The following ZNF407 variants were observed in gnomAD, a reference collection of about 807,000 sequenced individuals.
ZNF407 encodes the protein zinc finger protein 407.
Under a neutral mutation model 131.2 loss-of-function variants are expected in ZNF407, and 17 were observed. That is an observed-to-expected ratio of 0.13 (90% CI 0.09 to 0.19). The LOEUF is 0.19. ZNF407 is among the 10% of genes least tolerant of loss of function. The probability of loss-of-function intolerance (pLI) is 1.00; values close to 1 mark genes in which losing one functional copy is unlikely to be tolerated. For missense variants in ZNF407, 2,681 were observed against 2,830.6 expected, an observed-to-expected ratio of 0.95 and a Z score of 1.20; for synonymous variants, 1,156 against 1,062.0, an observed-to-expected ratio of 1.09 and a Z score of -1.72.
At chr18:74,668,857 A>G (rs1423084947) in intron 3 of ZNF407, among the ~76,000 whole-genome samples, 3 of 152,164 alleles carry the variant, frequency 2.0e-5, no homozygotes, top group Admixed American at 2.0e-4. Flanking sequence ...CTTAGTATGT[A>G]TCATTATCCA....
intron 3 of ZNF407, among the ~76,000 whole-genome samples, chr18:74,677,357 C>CT (rs1336705704): frequency 6.6e-6 from 1 of 152,330 alleles, no homozygotes; most frequent in African/African-American, 2.4e-5. Flanking sequence ...TCAGAAGGTG[C>CT]TGGGATTACA....
intron 8 of ZNF407, among the ~76,000 whole-genome samples, chr18:75,028,528 T>C (rs573602934): frequency 1.3e-5 from 2 of 152,188 alleles, no homozygotes; most frequent in Non-Finnish European, 2.9e-5. Flanking sequence ...CACAGGAATT[T>C]GAGGGGACAC....
intron 1 of ZNF407, among the ~76,000 whole-genome samples, chr18:74,615,882 A>C (rs1232683223): frequency 2.6e-5 from 4 of 151,710 alleles, no homozygotes; most frequent in Non-Finnish European, 5.9e-5. Context: ...TTTTTTTTTA[A>C]GATGGAGTTT....
chr18:74,912,972 T>G (rs945338457), intron 7 of ZNF407, among the ~76,000 whole-genome samples: 2 of 152,176 alleles, frequency 1.3e-5, no homozygotes, highest in African/African-American at 4.8e-5. Context: ...ACAAGAGAAA[T>G]GCAAGTTACA....
intron 5 of ZNF407, among the ~76,000 whole-genome samples, chr18:74,879,301 T>C (rs1030815801): frequency 6.6e-6 from 1 of 152,128 alleles, no homozygotes; most frequent in African/African-American, 2.4e-5. Context: ...ATTAGAAATT[T>C]TGCTTATTGA....
At chr18:74,603,925 G>T (rs538857479) in intron 1 of ZNF407, among the ~76,000 whole-genome samples, 4 of 152,222 alleles carry the variant, frequency 2.6e-5, no homozygotes, top group Admixed American at 1.3e-4. Flanking sequence ...TTCTGGCTTG[G>T]GTGATTTGAT....
chr18:74,721,306 G>T (rs1470768970), intron 3 of ZNF407, among the ~76,000 whole-genome samples: 1 of 151,988 alleles, frequency 6.6e-6, no homozygotes, highest in African/African-American at 2.4e-5. Flanking sequence ...CTACTTCACT[G>T]TTTGTGTGTA....
intron 8 of ZNF407, among the ~76,000 whole-genome samples, chr18:74,969,649 C>T (rs899413337): frequency 6.6e-6 from 1 of 152,164 alleles, no homozygotes; most frequent in Non-Finnish European, 1.5e-5. Context: ...GTGCACCTGG[C>T]CACCTTCGTG....
At chr18:74,911,435 C>CATTA (rs1430651695) in intron 7 of ZNF407, among the ~76,000 whole-genome samples, 10 of 152,204 alleles carry the variant, frequency 6.6e-5, no homozygotes, top group Non-Finnish European at 1.5e-5. Flanking sequence ...ATATATTTAA[C>CATTA]ATTAAGCCAA....
chr18:74,867,716 T>C (rs1208479447), intron 4 of ZNF407, among the ~76,000 whole-genome samples: 1 of 152,238 alleles, frequency 6.6e-6, no homozygotes, highest in African/African-American at 2.4e-5. Context: ...CCATAATGTA[T>C]GTTTTTACTA....
At chr18:74,742,101 C>T (rs1279210094) in intron 3 of ZNF407, among the ~76,000 whole-genome samples, 2 of 152,096 alleles carry the variant, frequency 1.3e-5, no homozygotes, top group Non-Finnish European at 2.9e-5. Context: ...GTATGGTAAT[C>T]AAAGCATTGC....
chr18:74,850,919 G>A (rs1970773938), intron 4 of ZNF407, among the ~76,000 whole-genome samples: 1 of 152,096 alleles, frequency 6.6e-6, no homozygotes, highest in African/African-American at 2.4e-5. Context: ...ACTGCATTAG[G>A]CTCTCAATAA....
chr18:74,624,685 C>T (rs773818253), intron 1 of ZNF407, among the ~76,000 whole-genome samples: 3 of 152,144 alleles, frequency 2.0e-5, no homozygotes, highest in Non-Finnish European at 2.9e-5. Context: ...GACCAGCTGC[C>T]AGTTTTCTAA....
intron 4 of ZNF407, among the ~76,000 whole-genome samples, chr18:74,859,220 T>C (rs1437835267): frequency 6.6e-6 from 1 of 152,240 alleles, no homozygotes; most frequent in Admixed American, 6.5e-5. Flanking sequence ...AACAATATTG[T>C]GTTTATGACT....
chr18:74,689,096 G>A (rs1967162634), intron 3 of ZNF407, among the ~76,000 whole-genome samples: 1 of 152,176 alleles, frequency 6.6e-6, no homozygotes, highest in African/African-American at 2.4e-5. Flanking sequence ...CCAAAGTGCT[G>A]GGATTCACAG....
intron 8 of ZNF407, chr18:75,061,612 C>G (rs1294725397): frequency 1.3e-5 from 2 of 152,348 alleles, no homozygotes; most frequent in African/African-American, 4.8e-5. Flanking sequence ...GCCCCTGGCC[C>G]GAGAGCTCTG....
chr18:74,640,103 A>G (rs935400395), intron 2 of ZNF407, among the ~76,000 whole-genome samples: 1 of 152,100 alleles, frequency 6.6e-6, no homozygotes, highest in African/African-American at 2.4e-5. Flanking sequence ...ATTTATTTGA[A>G]GATGTATTGG....
intron 7 of ZNF407, among the ~76,000 whole-genome samples, chr18:74,912,437 G>T (rs982978740): frequency 6.6e-6 from 1 of 152,134 alleles, no homozygotes; most frequent in South Asian, 2.1e-4. Context: ...TCATTGTGAT[G>T]GAGTGGCAGG....
intron 8 of ZNF407, among the ~76,000 whole-genome samples, chr18:74,991,592 A>G (rs2122138336): frequency 6.6e-6 from 1 of 152,344 alleles, no homozygotes; most frequent in East Asian, 1.9e-4. Context: ...GGTATTGGTC[A>G]CTAAATTTAA....
Sources: gnomAD v4.1 joint callset for allele counts (sites outside exome capture counted in the v4.1 genomes callset) on GRCh38, gnomAD v4.1.1 for gene constraint, MANE v1.5 for transcripts, NCBI Gene and HGNC (gene_info 2026-07-23, HGNC 2026-07-21) for gene names.